Variants in ZAP70 observed in about 807,000 individuals in gnomAD.
The protein encoded by ZAP70 is tyrosine-protein kinase ZAP-70.
ZAP70 carries 27 observed loss-of-function variants against 65.8 expected under a neutral mutation model. The observed-to-expected ratio is 0.41, with a 90% CI of 0.30 to 0.57. The LOEUF is 0.57. Among genes scored for constraint, ZAP70 ranks in the 20% least tolerant of loss-of-function variants. The pLI is 0.28. For missense variants in ZAP70, 696 were observed against 870.5 expected (o/e 0.80, Z 2.52); for synonymous variants, 363 against 360.8 (o/e 1.01, Z -0.07).
chr2:97,747,815 G>GTTTTTTTTTTTTTT, the ZAP70 span, among the ~76,000 whole-genome samples: 8 of 54,794 alleles, frequency 1.5e-4, 1 homozygote, highest in African/African-American at 2.6e-4. Flanking sequence ...CTGGCACGAG[G>GTTTTTTTTTTTTTT]TTTTTTTTTT....
chr2:97,735,003 C>T (rs1573283844), intron 9 of ZAP70: 2 of 649,586 alleles, frequency 3.1e-6, no homozygotes, highest in South Asian at 3.8e-5. Context: ...CAGGCTGCCC[C>T]TGGGGAGGGT....
At chr2:97,725,481 G>C (rs1382470080) in intron 4 of ZAP70, among the ~76,000 whole-genome samples, 1 of 152,220 alleles carries the variant, frequency 6.6e-6, no homozygotes, top group Non-Finnish European at 1.5e-5. Flanking sequence ...TTGGAATCCC[G>C]CTTCCGCCAC....
rs200081693 is a variant in ZAP70, at chr2:97,713,681, G to A, written c.-101+7G>A. 1 of 152,420 alleles carries A rather than the reference G, an allele frequency of 6.6e-6. No homozygotes were observed. The highest frequency in any genetic ancestry group is 2.4e-5 in the African/African-American group (1 of 41,474). 9.4% of individuals were successfully genotyped at this position (152,420 alleles called of 1,614,324 possible). A position where few individuals can be genotyped will look rare whatever the true frequency, so the allele number is the denominator to read the frequency against. ...CTGCTGCTGGGGCATTCAGGTAAGCGGCTGTCCTCGGGCCTTCTGCCTGTG... is the reference window on the plus strand; with the variant it reads ...CTGCTGCTGGGGCATTCAGGTAAGCAGCTGTCCTCGGGCCTTCTGCCTGTG... On this transcript the variant is annotated splice_region_variant and intron_variant, in intron 1 of 13. Coordinates refer to ENST00000264972, the MANE Select transcript of ZAP70 (RefSeq NM_001079.4).
At chr2:97,724,506 G>C (rs867787314) in intron 3 of ZAP70, 68 bp downstream of exon 3, 28 of 1,510,818 alleles carry the variant, frequency 1.9e-5, no homozygotes, top group Admixed American at 4.0e-5. Context: ...GAGGGTTTTG[G>C]GGGGATAGGA....
rs1330962254 is a variant in ZAP70 at position 97,739,503 on chromosome 2, C to A, written c.*5C>A. 1.9e-6 allele frequency: 3 copies of A among 1,611,842 alleles called. No individual in the cohort carries two copies. The highest frequency in any genetic ancestry group is 1.7e-6 in the Non-Finnish European group (2 of 1,179,402). The stretch of plus-strand genomic sequence containing the variant: ...GCTGAGGCTGCCTGTGCCTGAGCTC[C>A]CGCTGCCCAGGGGAGCCCTCCACGC... On this transcript the variant is annotated 3_prime_UTR_variant, in exon 14 of 14. Transcript: ENST00000264972.
At chr2:97,735,994 G>A (rs1041921069) in intron 10 of ZAP70, among the ~76,000 whole-genome samples, 7 of 151,978 alleles carry the variant, frequency 4.6e-5, no homozygotes, top group African/African-American at 1.2e-4. Flanking sequence ...GGGACAGAGC[G>A]AAACTCCATC....
downstream of ZAP70, among the ~76,000 whole-genome samples, chr2:97,740,801 C>G (rs1678110231): frequency 6.6e-6 from 1 of 152,200 alleles, no homozygotes; most frequent in African/African-American, 2.4e-5. Flanking sequence ...GCCCTCACCT[C>G]CAGGTCCCCA....
Position 97,739,853 on chromosome 2 carries a change from C to T in ZAP70, c.*355C>T, listed in dbSNP as rs200463633. ...TAGATCACCAGAATAAACCCAGCTT[C>T]CCTCTTGTCTGAGCGCCCTCATCTT... is the stretch of plus-strand genomic sequence containing the variant. On this transcript the variant is annotated 3_prime_UTR_variant, in exon 14 of 14. Transcript: ENST00000264972. 54 of 306,456 alleles carry T rather than the reference C, an allele frequency of 1.8e-4. No homozygotes were observed. Among genetic ancestry groups the T allele is most frequent in the African/African-American group, 9.2e-4 (43 of 46,760 alleles). The allele number at this position is 306,456 out of a possible 1,614,324, so 19.0% of individuals were successfully genotyped here.
rs767067866 is a variant in ZAP70, at chr2:97,737,453, C to T, written c.1290-20C>T. ...TGGCTAGTCTTCTCCCAGCTGACCC[C>T]GCCTTCCCCGCCACCCCAGGGAGGA... On this transcript the variant is annotated intron_variant, in intron 10 of 13. Coordinates refer to ENST00000264972, the MANE Select transcript of ZAP70 (RefSeq NM_001079.4). This position sits in a 1 kb window ranked among gnomAD's most constrained non-coding sequence, Gnocchi z 5.0. 19 of 1,613,668 alleles carry T rather than the reference C, an allele frequency of 1.2e-5. No individual in the cohort carries two copies. The highest frequency in any genetic ancestry group is 6.7e-5 in the African/African-American group (5 of 74,892).
chr2:97,741,400 C>T (rs957686104), downstream of ZAP70, among the ~76,000 whole-genome samples: 6 of 152,204 alleles, frequency 3.9e-5, no homozygotes. Flanking sequence ...CTCCCCGTCC[C>T]CACCGGTGAT....
chr2:97,749,612 G>T, the ZAP70 span, among the ~76,000 whole-genome samples: 1 of 152,188 alleles, frequency 6.6e-6, no homozygotes, highest in Non-Finnish European at 1.5e-5. Context: ...ATGAAAATTT[G>T]CAGCCCCACA....
At chr2:97,730,793 C>G (rs529652426) in intron 4 of ZAP70, among the ~76,000 whole-genome samples, 2 of 152,078 alleles carry the variant, frequency 1.3e-5, no homozygotes, top group South Asian at 4.1e-4. Context: ...TGGTGGCTCA[C>G]GCCTGTAATC....
rs182364803 is a variant in ZAP70 at position 97,735,243 on chromosome 2, C to T, written c.1083-7C>T. ...GCCCACGTGCCTCCCGTGGCCGGGT[C>T]GGGCAGGAAGCAGATCGACGTGGCC... On this transcript the variant is annotated splice_region_variant and splice_polypyrimidine_tract_variant and intron_variant, in intron 9 of 13. Coordinates refer to ENST00000264972, the MANE Select transcript of ZAP70 (RefSeq NM_001079.4). 4.6e-5 allele frequency: 75 copies of T among 1,613,664 alleles called. No homozygotes were observed. Among genetic ancestry groups the T allele is most frequent in the African/African-American group, 9.3e-5 (7 of 75,038 alleles).
chr2:97,735,320 C>T lies in ZAP70; in HGVS notation c.1153C>T (p.Arg385Cys), dbSNP rs199944085. The T allele has an allele frequency of 4.0e-5, 64 of 1,614,016 alleles. 1 individual carries two copies. The highest frequency in any genetic ancestry group is 1.6e-4 in the Middle Eastern group (1 of 6,084). The change falls in exon 10 of 14, where the codon CGC (arginine) becomes TGC (cysteine). Residue 385 changes from arginine (R) to cysteine (C), a missense_variant. Around this residue, in one of 3 missense-constraint regions of ZAP70, gnomAD observed 551 missense variants for 630.0 expected, o/e 0.87. Coordinates refer to ENST00000264972, the MANE Select transcript of ZAP70 (RefSeq NM_001079.4). ...GAAGGCAGACACGGAAGAGATGATG[C>T]GCGAGGCGCAGATCATGCACCAGCT... ...TEKADTEEMM[R>C]EAQIMHQLDN...
the ZAP70 span, among the ~76,000 whole-genome samples, chr2:97,754,982 G>C: frequency 6.6e-6 from 1 of 152,228 alleles, no homozygotes; most frequent in South Asian, 2.1e-4. Context: ...GTATAAAGCA[G>C]AGAAAAGGTC....
chr2:97,743,101 GAA>G (rs1417991343), downstream of ZAP70, among the ~76,000 whole-genome samples: 2 of 151,982 alleles, frequency 1.3e-5, no homozygotes, highest in East Asian at 3.9e-4. Context: ...AAATGGGAAA[GAA>G]AAAAAGGGAG....
At chr2:97,720,618 C>G (rs1351290020) in intron 2 of ZAP70, among the ~76,000 whole-genome samples, 3 of 152,196 alleles carry the variant, frequency 2.0e-5, no homozygotes, top group African/African-American at 7.2e-5. Context: ...TCCCAAAGTG[C>G]TGGGATTACA....
At position 97,724,174 on chromosome 2, in the gene ZAP70, T is replaced by C; in HGVS notation, c.138T>C (p.Tyr46=). ...LRQCLRSLGG[Y]VLSLVHDVRF... ...AGTGCCTGCGCTCGCTGGGCGGCTA[T>C]GTGCTGTCGCTCGTGCACGATGTGC... is the stretch of plus-strand genomic sequence containing the variant. Residue 46 remains tyrosine (Y), a synonymous_variant, in exon 3 of 14, where the codon TAT becomes TAC. Coordinates refer to ENST00000264972, the MANE Select transcript of ZAP70 (RefSeq NM_001079.4). 1 of 1,591,654 alleles carries C rather than the reference T, an allele frequency of 6.3e-7. No individual in the cohort carries two copies. Among genetic ancestry groups the C allele is most frequent in the Non-Finnish European group, 8.5e-7 (1 of 1,170,308 alleles).
At position 97,733,607 on chromosome 2, in the gene ZAP70, G is replaced by A. The variant is rs370811702; in HGVS notation, c.889+12G>A. The A allele has an allele frequency of 6.2e-7, 1 of 1,613,566 alleles. No homozygotes were observed. Among genetic ancestry groups the A allele is most frequent in the African/African-American group, 1.3e-5 (1 of 75,036 alleles). On this transcript the variant is annotated intron_variant, in intron 8 of 13. Coordinates refer to ENST00000264972, the MANE Select transcript of ZAP70 (RefSeq NM_001079.4). ...CACCCCTGAGCCAGGTGAGCGGGCA[G>A]AGGTGGGGACGCGGGTTGGGGCTCA...
Sources: gnomAD v4.1 joint callset for allele counts (sites outside exome capture counted in the v4.1 genomes callset) on GRCh38, gnomAD v4.1.1 for gene constraint, gnomAD v4.1.1 regional missense constraint, Gnocchi (gnomAD v3.1) non-coding constraint, MANE v1.5 for transcripts, NCBI Gene and HGNC (gene_info 2026-07-23, HGNC 2026-07-21) for gene names.